EZR: variants seen among roughly 807,000 people sequenced by gnomAD.
EZR encodes cytovillin 2.
EZR carries 40 observed loss-of-function variants against 74.8 expected under a neutral mutation model. That is an observed-to-expected ratio of 0.53 (90% confidence interval 0.42 to 0.70). EZR has a LOEUF of 0.70. Ranked by LOEUF, EZR falls within the 30% of genes least tolerant of loss-of-function variation. EZR has a pLI of 0.00. For synonymous variants in EZR, 341 were observed against 283.3 expected (o/e 1.20, Z -2.05); for missense variants, 678 against 755.8 (o/e 0.90, Z 1.21).
chr6:158,817,136 G>GA (rs1178348513), intron 2 of EZR, among the ~76,000 whole-genome samples: 2 of 151,706 alleles, frequency 1.3e-5, no homozygotes, highest in Non-Finnish European at 2.9e-5. Flanking sequence ...CAACTTGTTT[G>GA]AAAAACCAAA....
intron 2 of EZR, among the ~76,000 whole-genome samples, chr6:158,792,585 C>T (rs558953439): frequency 2.0e-5 from 3 of 151,834 alleles, no homozygotes; most frequent in East Asian, 3.9e-4. Context: ...TTTGGGAGGC[C>T]GAGGAGGGCA....
intron 2 of EZR, among the ~76,000 whole-genome samples, chr6:158,808,134 A>ATGTG (rs112872080): frequency 6.6e-6 from 1 of 152,304 alleles, no homozygotes; most frequent in African/African-American, 2.4e-5. Context: ...CTTAAGAAGA[A>ATGTG]TGCGTGTGTG....
intron 4 of EZR, among the ~76,000 whole-genome samples, chr6:158,786,281 G>A (rs1213753163): frequency 2.0e-5 from 3 of 152,096 alleles, no homozygotes; most frequent in Non-Finnish European, 1.5e-5. Flanking sequence ...GGCTGAGGCA[G>A]GAGAATCACT....
chr6:158,774,622 G>A (rs1047058973), intron 8 of EZR, among the ~76,000 whole-genome samples: 8 of 148,730 alleles, frequency 5.4e-5, no homozygotes, highest in Non-Finnish European at 1.0e-4. Context: ...TCTGCTTGGG[G>A]CTTATTATGA....
At chr6:158,785,984 G>A (rs987851041) in intron 4 of EZR, among the ~76,000 whole-genome samples, 2 of 152,120 alleles carry the variant, frequency 1.3e-5, no homozygotes, top group South Asian at 2.1e-4. Context: ...TCAGGAGTTC[G>A]AGACTGCAGT....
intron 8 of EZR, among the ~76,000 whole-genome samples, chr6:158,772,363 A>G (rs3127182): frequency 0.3 from 45,671 of 152,206 alleles, 7,918 homozygotes; most frequent in African/African-American, 0.48. Context: ...ACCATAAGGC[A>G]GGGATGCCGG....
chr6:158,792,994 T>C (rs1051568530), intron 2 of EZR, among the ~76,000 whole-genome samples: 1 of 151,948 alleles, frequency 6.6e-6, no homozygotes, highest in African/African-American at 2.4e-5. Context: ...TCATTCCCTA[T>C]GGTACGCAAC....
In EZR at chr6:158,787,129, G is replaced by A; in HGVS notation, c.171C>T (p.Thr57=). Residue 57 remains threonine, a synonymous_variant, in exon 4 of 14, where the codon ACC becomes ACT. Coordinates refer to ENST00000367075, the MANE Select transcript of EZR (RefSeq NM_001111077.2). ...LHYVDNKGFP[T]WLKLDKKVSA... is the part of the protein sequence containing the mutation. ...TTGCCTTCTTATCCAGCTTCAGCCA[G>A]GTAGGAAATCCTTTATTATCCACAT... 4 of 1,613,500 alleles carry A rather than the reference G, an allele frequency of 2.5e-6. No individual in the cohort carries two copies. The highest frequency in any genetic ancestry group is 2.5e-6 in the Non-Finnish European group (3 of 1,179,450).
chr6:158,815,599 C>T (rs2128577976), intron 2 of EZR, among the ~76,000 whole-genome samples: 1 of 152,328 alleles, frequency 6.6e-6, no homozygotes, highest in African/African-American at 2.4e-5. Flanking sequence ...CCACTTCAGC[C>T]TCAGTCAGAG....
chr6:158,814,386 GA>G (rs1562509246), intron 2 of EZR, among the ~76,000 whole-genome samples: 734 of 26,016 alleles, frequency 0.028, 4 homozygotes, highest in African/African-American at 0.17. Flanking sequence ...TTTTCCTCTC[GA>G]CGTTACCTAG....
chr6:158,770,976 A>C, intron 9 of EZR, 82 bp from the exon 10 acceptor site: 1 of 1,597,820 alleles, frequency 6.3e-7, no homozygotes, highest in Non-Finnish European at 8.6e-7. Context: ...GGGTACTTGA[A>C]GCTCCAGGAT....
At chr6:158,775,751 T>C (rs1267868898) in intron 8 of EZR, among the ~76,000 whole-genome samples, 4 of 152,398 alleles carry the variant, frequency 2.6e-5, no homozygotes, top group South Asian at 4.1e-4. Flanking sequence ...ATGTCTCAAA[T>C]ATTCTGAGTT....
At position 158,767,022 on chromosome 6, in the gene EZR, G is replaced by A. The variant is rs1029119572; in HGVS notation, c.1653C>T (p.Asp551=). The change falls in exon 14 of 14, where the codon GAC becomes GAT. Residue 551 remains aspartate (D), a synonymous_variant. Transcript: ENST00000367075. ...GCCTCATGTTCTCGTTGTGGATGAT[G>A]TCATTGTGGGTCCTCTTATTCTCAT... The part of the protein sequence containing the change: ...ARDENKRTHN[D]IIHNENMRQG... The A allele has an allele frequency of 8.1e-6, 13 of 1,614,068 alleles. No homozygotes were observed. Among genetic ancestry groups the A allele is most frequent in the East Asian group, 2.2e-5 (1 of 44,884 alleles).
rs59994735 is a variant in EZR, at chr6:158,794,534, T to A, written c.13-5163A>T. 2.0e-5 allele frequency among the ~76,000 whole-genome samples: 3 copies of A among 152,178 alleles called. No individual in the cohort carries two copies. In the East Asian group the frequency reaches 5.8e-4, roughly 29 times the overall value. On this transcript the variant is annotated intron_variant, in intron 2 of 13. Transcript: ENST00000367075. ...TCTGATACACACAAGGATTGTCCCA[T>A]AAAAAACTCAAGTCCATGGGCTTAA...
intron 7 of EZR, 55 bp downstream of exon 7, chr6:158,783,465 T>C (rs1791484308): frequency 2.0e-6 from 3 of 1,527,014 alleles, no homozygotes; most frequent in Non-Finnish European, 1.8e-6. Flanking sequence ...CATTTTGCCA[T>C]TGTTTCCAGG....
intron 7 of EZR, among the ~76,000 whole-genome samples, chr6:158,778,201 T>C (rs1190657051): frequency 6.6e-6 from 1 of 152,154 alleles, no homozygotes; most frequent in Admixed American, 6.5e-5. Context: ...CCACAGCACA[T>C]AGCACTGTGA....
Position 158,791,858 on chromosome 6 carries a change from G to A in EZR, c.13-2487C>T, listed in dbSNP as rs185326312. Among the ~76,000 whole-genome samples the A allele has an allele frequency of 5.0e-3, 764 of 151,852 alleles. 8 individuals are homozygous for A. The highest frequency in any genetic ancestry group is 0.041 in the Middle Eastern group (12 of 294). The stretch of plus-strand genomic sequence containing the variant: ...CGAGTAGCTGGGACTACAGGTGCCC[G>A]CCACAACACCCAGCTAATTTTTTGT... On this transcript the variant is annotated intron_variant, in intron 2 of 13. Coordinates refer to ENST00000367075, the MANE Select transcript of EZR (RefSeq NM_001111077.2).
chr6:158,769,757 G>C (rs2128564681), intron 11 of EZR, 27 bp downstream of exon 11: 2 of 1,612,336 alleles, frequency 1.2e-6, no homozygotes, highest in East Asian at 4.5e-5. Flanking sequence ...CTATAATTCA[G>C]CATCTTGAAA....
chr6:158,798,459 G>A (rs907292533), intron 2 of EZR, among the ~76,000 whole-genome samples: 2 of 152,206 alleles, frequency 1.3e-5, no homozygotes, highest in African/African-American at 4.8e-5. Context: ...CACCAACACA[G>A]TAGCGGCGCT....
Sources: gnomAD v4.1 joint callset for allele counts (sites outside exome capture counted in the v4.1 genomes callset) on GRCh38, gnomAD v4.1.1 for gene constraint, MANE v1.5 for transcripts, NCBI Gene and HGNC (gene_info 2026-07-23, HGNC 2026-07-21) for gene names.